Variants in UNC13C observed in about 807,000 individuals in gnomAD.
UNC13C encodes the protein protein unc-13 homolog C.
A neutral mutation model predicts 245.4 loss-of-function variants in UNC13C; 174 were observed. That is an observed-to-expected ratio of 0.71 (90% CI 0.63 to 0.80). The LOEUF (loss-of-function observed/expected upper bound fraction) is 0.80, where lower values mean the gene tolerates loss of function less well. Ranked by LOEUF, UNC13C falls within the 30% of genes least tolerant of loss-of-function variation. The pLI, the probability that UNC13C is intolerant of heterozygous loss-of-function variation, is 0.00. For synonymous variants in UNC13C, 992 were observed against 895.1 expected, an observed-to-expected ratio of 1.11 and a Z score of -1.93; for missense variants, 2,829 against 2,602.9, an observed-to-expected ratio of 1.09 and a Z score of -1.89.
intron 2 of UNC13C, among the ~76,000 whole-genome samples, chr15:54,124,457 G>A (rs570317333): frequency 6.6e-6 from 1 of 152,260 alleles, no homozygotes; most frequent in East Asian, 1.9e-4. Context: ...ATAACTGTCT[G>A]TATCTTTTGC....
intron 1 of UNC13C, among the ~76,000 whole-genome samples, chr15:54,005,516 T>C (rs1895095668): frequency 6.6e-6 from 1 of 152,144 alleles, no homozygotes; most frequent in South Asian, 2.1e-4. Context: ...ATTAATGTAA[T>C]CTATAAAAAG....
the UNC13C span, among the ~76,000 whole-genome samples, chr15:53,881,468 A>C: frequency 6.6e-6 from 1 of 152,242 alleles, no homozygotes; most frequent in Non-Finnish European, 1.5e-5. Context: ...CTGCTTAAGC[A>C]CACCTCACTT....
At chr15:54,106,970 T>C (rs927473478) in intron 2 of UNC13C, among the ~76,000 whole-genome samples, 1 of 152,238 alleles carries the variant, frequency 6.6e-6, no homozygotes, top group Non-Finnish European at 1.5e-5. Context: ...TGAAAGATAC[T>C]TTCAAAGTGA....
At chr15:53,977,793 C>A (rs993272671), upstream of UNC13C, among the ~76,000 whole-genome samples, 4 of 152,172 alleles carry the variant, frequency 2.6e-5, no homozygotes, top group African/African-American at 9.7e-5. Flanking sequence ...AATTCCCAGC[C>A]AGATCTTTAA....
chr15:54,412,205 G>T (rs556148355), intron 18 of UNC13C, among the ~76,000 whole-genome samples: 539 of 141,358 alleles, frequency 3.8e-3, no homozygotes, highest in Non-Finnish European at 6.3e-3. Flanking sequence ...GACTTCATCT[G>T]AAAAAAAAAA....
At chr15:54,429,401 T>A (rs1292314095) in intron 19 of UNC13C, among the ~76,000 whole-genome samples, 1 of 151,766 alleles carries the variant, frequency 6.6e-6, no homozygotes, top group Non-Finnish European at 1.5e-5. Context: ...AAAAGTGTAA[T>A]GATTTCTAAT....
chr15:54,057,234 C>A (rs1897572676), intron 2 of UNC13C, among the ~76,000 whole-genome samples: 1 of 151,624 alleles, frequency 6.6e-6, no homozygotes, highest in Non-Finnish European at 1.5e-5. Flanking sequence ...TGCAGAGACA[C>A]ACATAGGCTC....
upstream of UNC13C, among the ~76,000 whole-genome samples, chr15:53,976,530 G>A (rs1389862786): frequency 8.0e-6 from 1 of 124,324 alleles, no homozygotes; most frequent in African/African-American, 2.9e-5. Flanking sequence ...GGAGTGCAAT[G>A]GCGCGATCTT....
chr15:54,362,192 T>C (rs998746739), intron 17 of UNC13C, among the ~76,000 whole-genome samples: 2 of 152,208 alleles, frequency 1.3e-5, no homozygotes, highest in Admixed American at 6.5e-5. Flanking sequence ...CCCAGGTGAT[T>C]GAGCCTTCCT....
At chr15:54,226,001 G>A (rs189792120) in intron 4 of UNC13C, among the ~76,000 whole-genome samples, 81 of 152,288 alleles carry the variant, frequency 5.3e-4, no homozygotes, top group African/African-American at 1.7e-3. Context: ...AGTTTATTGA[G>A]AGTTTTTAAC....
chr15:54,491,914 C>T (rs1893728890), intron 19 of UNC13C, among the ~76,000 whole-genome samples: 2 of 151,848 alleles, frequency 1.3e-5, no homozygotes, highest in Admixed American at 6.6e-5. Flanking sequence ...ATGGTGTCAA[C>T]CCGGGAGGCG....
chr15:54,632,523 G>C (rs1409100085), downstream of UNC13C: 1 of 152,190 alleles, frequency 6.6e-6, no homozygotes, highest in Non-Finnish European at 1.5e-5. Flanking sequence ...TGTAAAGTTT[G>C]AGTTAAGGTT....
chr15:53,896,262 C>T, the UNC13C span, among the ~76,000 whole-genome samples: 1 of 152,014 alleles, frequency 6.6e-6, no homozygotes, highest in Non-Finnish European at 1.5e-5. Context: ...AAAAAAAATA[C>T]TCCTAGAGCA....
chr15:53,854,122 G>GTTTTTTTGTTTTTTTTTTTT, the UNC13C span, among the ~76,000 whole-genome samples: 7 of 133,576 alleles, frequency 5.2e-5, 1 homozygote, highest in Admixed American at 1.5e-4. Flanking sequence ...GTTTTTATAG[G>GTTTTTTTGTTTTTTTTTTTT]TTTTTTTTTT....
chr15:54,355,465 T>C (rs182440223), intron 17 of UNC13C, among the ~76,000 whole-genome samples: 193 of 152,144 alleles, frequency 1.3e-3, no homozygotes, highest in Admixed American at 3.6e-3. Flanking sequence ...CAAGCTATTC[T>C]CCTGCCTCAG....
chr15:53,922,108 C>T, the UNC13C span, among the ~76,000 whole-genome samples: 3 of 152,178 alleles, frequency 2.0e-5, no homozygotes, highest in Admixed American at 1.3e-4. Flanking sequence ...ATTTAAATAC[C>T]ATGATAAAGT....
chr15:54,371,716 A>C (rs1253841660), intron 17 of UNC13C, among the ~76,000 whole-genome samples: 1 of 116,814 alleles, frequency 8.6e-6, no homozygotes, highest in Non-Finnish European at 1.8e-5. Flanking sequence ...ATATATATAT[A>C]TACACACACA....
intron 24 of UNC13C, among the ~76,000 whole-genome samples, chr15:54,521,256 C>A (rs1895204302): frequency 6.6e-6 from 1 of 152,086 alleles, no homozygotes. Flanking sequence ...CAGGAAGTTA[C>A]CTTCCTTCCT....
intron 4 of UNC13C, among the ~76,000 whole-genome samples, chr15:54,201,520 C>A (rs548730734): frequency 6.6e-6 from 1 of 151,928 alleles, no homozygotes; most frequent in East Asian, 1.9e-4. Flanking sequence ...ATACTTAAGT[C>A]AATAAATATG....
Sources: allele counts gnomAD v4.1 joint callset (sites outside exome capture counted in the v4.1 genomes callset), GRCh38; gene constraint gnomAD v4.1.1; transcripts MANE v1.5; gene names NCBI Gene and HGNC (gene_info 2026-07-23, HGNC 2026-07-21).